HDAC1: variants seen among roughly 807,000 people sequenced by gnomAD.
The protein encoded by HDAC1 is protein deacetylase HDAC1.
In HDAC1, 18 loss-of-function variants were observed where a neutral mutation model predicts 65.5. That is an observed-to-expected ratio of 0.27 (90% CI 0.19 to 0.41). The LOEUF (loss-of-function observed/expected upper bound fraction) is 0.41, where lower values mean the gene tolerates loss of function less well. Ranked by LOEUF, HDAC1 falls within the 10% of genes least tolerant of loss-of-function variation. HDAC1 has a pLI of 1.00. For synonymous variants in HDAC1, 211 were observed against 227.9 expected, an observed-to-expected ratio of 0.93 and a Z score of 0.67; for missense variants, 373 against 625.2, an observed-to-expected ratio of 0.60 and a Z score of 4.30.
At position 32,327,929 on chromosome 1, in the gene HDAC1, T is replaced by C. The variant is rs930609176; in HGVS notation, c.636+252T>C. On this transcript the variant is annotated intron_variant, in intron 6 of 13. Transcript: ENST00000373548. The surrounding 1 kb of genome is among the most constrained non-coding windows in gnomAD (Gnocchi z 6.0). ...ACTTTCCTCCTGGCCACAGCTGGGT[T>C]GCATCACACTATTCTTATGTCTCAT... Among the ~76,000 whole-genome samples the C allele has an allele frequency of 1.3e-5, 2 of 152,174 alleles. No homozygotes were observed. Among genetic ancestry groups the C allele is most frequent in the African/African-American group, 4.8e-5 (2 of 41,442 alleles).
intron 2 of HDAC1, among the ~76,000 whole-genome samples, chr1:32,313,533 T>G (rs1364151102): frequency 6.6e-6 from 1 of 152,196 alleles, no homozygotes; most frequent in Admixed American, 6.6e-5. Context: ...AGATAGCGTT[T>G]AAAGTGCCTG....
intron 4 of HDAC1, among the ~76,000 whole-genome samples, chr1:32,325,326 C>T (rs538720319): frequency 1.3e-5 from 2 of 152,254 alleles, no homozygotes; most frequent in East Asian, 3.9e-4. Flanking sequence ...ATTTATTTTC[C>T]TGTGATCCCC....
chr1:32,320,658 G>A (rs1371028438), intron 3 of HDAC1, among the ~76,000 whole-genome samples: 1 of 152,062 alleles, frequency 6.6e-6, no homozygotes, highest in African/African-American at 2.4e-5. Flanking sequence ...CCAGCACTTT[G>A]GGAGGCTGAG....
In HDAC1 at chr1:32,324,663, G is replaced by A. The variant is rs192991320; in HGVS notation, c.355+110G>A. On this transcript the variant is annotated intron_variant, in intron 4 of 13. Coordinates refer to ENST00000373548, the MANE Select transcript of HDAC1 (RefSeq NM_004964.3). ...ATCTGAAACCATGTAGAATGGTCCT[G>A]TGGTTTTTACTGAAGTCTCTAAAAT... 100 of 784,160 alleles carry A rather than the reference G, an allele frequency of 1.3e-4. No individual in the cohort carries two copies. The African/African-American group carries it at 1.6e-3, about 12-fold the overall frequency. The allele number at this position is 784,160 out of a possible 1,614,324, so 48.6% of individuals were successfully genotyped here.
At chr1:32,300,084 A>C (rs1246863767) in intron 1 of HDAC1, among the ~76,000 whole-genome samples, 1 of 152,002 alleles carries the variant, frequency 6.6e-6, no homozygotes, top group Non-Finnish European at 1.5e-5. Flanking sequence ...GGAAAATCCA[A>C]TGTAGCTTTT....
At chr1:32,296,114 C>T (rs760081707) in intron 1 of HDAC1, among the ~76,000 whole-genome samples, 2 of 152,228 alleles carry the variant, frequency 1.3e-5, no homozygotes, top group African/African-American at 2.4e-5. Context: ...GGAAAGGGGC[C>T]GTGCCTTGTC....
rs376335337 is a variant in HDAC1 at position 32,327,611 on chromosome 1, G to T, written c.570G>T (p.Thr190=). 1 of 1,613,586 alleles carries T rather than the reference G, an allele frequency of 6.2e-7. No individual in the cohort carries two copies. Among genetic ancestry groups the T allele is most frequent in the Admixed American group, 1.7e-5 (1 of 60,016 alleles). The change falls in exon 6 of 14, where the codon ACG becomes ACT. Residue 190 remains threonine, a synonymous_variant. Transcript: ENST00000373548. This position sits in a 1 kb window ranked among gnomAD's most constrained non-coding sequence, Gnocchi z 6.0. The stretch of plus-strand genomic sequence containing the variant: ...GCGTGGAAGAGGCCTTCTACACCAC[G>T]GACCGGGTCATGACTGTGTCCTTTC... ...GDGVEEAFYT[T]DRVMTVSFHK... is the part of the protein sequence containing the mutation.
At chr1:32,332,021 C>A in intron 11 of HDAC1, 69 bp from the exon 12 acceptor site, 3 of 1,474,930 alleles carry the variant, frequency 2.0e-6, no homozygotes, top group Non-Finnish European at 2.7e-6. Flanking sequence ...CAGGGAAGCA[C>A]TGGGCATAGA....
intron 1 of HDAC1, among the ~76,000 whole-genome samples, chr1:32,297,346 A>G (rs945359933): frequency 4.6e-5 from 7 of 152,210 alleles, no homozygotes; most frequent in Non-Finnish European, 1.0e-4. Context: ...GTTCAAGACC[A>G]GCCTGGGCAA....
At position 32,331,582 on chromosome 1, in the gene HDAC1, A is replaced by G. The variant is rs200638242; in HGVS notation, c.1088A>G (p.Lys363Arg). Residue 363 changes from lysine (K) to arginine (R), a missense_variant and splice_region_variant, in exon 10 of 14, where the codon AAA (lysine) becomes AGA (arginine). Coordinates refer to ENST00000373548, the MANE Select transcript of HDAC1 (RefSeq NM_004964.3). The surrounding 1 kb of genome is among the most constrained non-coding windows in gnomAD (Gnocchi z 4.2). ...ACGAATGAGTACCTGGAGAAGATCA[A>G]GTGAGTATATCCTCCAGCCACCCCT... The part of the protein sequence containing the change: ...QNTNEYLEKI[K>R]QRLFENLRML... 323 of 1,608,100 alleles carry G rather than the reference A, an allele frequency of 2.0e-4. No individual in the cohort carries two copies. The highest frequency in any genetic ancestry group is 6.5e-5 in the Non-Finnish European group (76 of 1,174,652).
intron 2 of HDAC1, among the ~76,000 whole-genome samples, chr1:32,303,775 C>T (rs113975725): frequency 0.045 from 6,869 of 152,180 alleles, 509 homozygotes; most frequent in African/African-American, 0.16. Context: ...GGTGGGAGGA[C>T]CACTTGAGCC....
At chr1:32,323,962 G>A in intron 3 of HDAC1, among the ~76,000 whole-genome samples, 1 of 152,124 alleles carries the variant, frequency 6.6e-6, no homozygotes, top group East Asian at 1.9e-4. Flanking sequence ...TTAATTTTCT[G>A]ACCAGTGGGT....
chr1:32,294,373 T>C (rs1051626371), intron 1 of HDAC1, among the ~76,000 whole-genome samples: 3 of 152,070 alleles, frequency 2.0e-5, no homozygotes, highest in African/African-American at 7.2e-5. Flanking sequence ...GGTCTCAAAC[T>C]GACCTCCAGT....
rs1168090328 is a variant in HDAC1 at position 32,331,323 on chromosome 1, G to A, written c.980-151G>A. The stretch of plus-strand genomic sequence containing the variant: ...TGTTAAAAAGATGGAAATCCCATAG[G>A]TACCCGTGTCTCACAGTGTCTTGGA... On this transcript the variant is annotated intron_variant, in intron 9 of 13. Transcript: ENST00000373548. The surrounding 1 kb of genome is among the most constrained non-coding windows in gnomAD (Gnocchi z 4.2). 3.2e-6 allele frequency: 2 copies of A among 629,234 alleles called. No individual in the cohort carries two copies. The highest frequency in any genetic ancestry group is 1.8e-5 in the African/African-American group (1 of 54,182). The allele number at this position is 629,234 out of a possible 1,614,324, so 39.0% of individuals were successfully genotyped here.
At chr1:32,314,775 G>A (rs1439357670) in intron 2 of HDAC1, among the ~76,000 whole-genome samples, 1 of 148,012 alleles carries the variant, frequency 6.8e-6, no homozygotes, top group Non-Finnish European at 1.5e-5. Flanking sequence ...GCAGTGAGCC[G>A]AGATCGCGCC....
chr1:32,298,079 G>A lies in HDAC1; in HGVS notation c.50-4542G>A, dbSNP rs575308585. 8.8e-5 allele frequency among the ~76,000 whole-genome samples: 12 copies of A among 136,364 alleles called. No homozygotes were observed. In the East Asian group the frequency reaches 1.6e-3, roughly 18 times the overall value. The allele number at this position is 136,364 out of a possible 152,430, so 89.5% of individuals were successfully genotyped here. The stretch of plus-strand genomic sequence containing the variant: ...GGTGGGATTACAGGCGTGAGCCAGC[G>A]CGCCCGGCCTTTTTTTTTTTTTTTT... On this transcript the variant is annotated intron_variant, in intron 1 of 13. Coordinates refer to ENST00000373548, the MANE Select transcript of HDAC1 (RefSeq NM_004964.3).
chr1:32,293,045 G>A (rs1433067331), intron 1 of HDAC1, among the ~76,000 whole-genome samples: 2 of 152,194 alleles, frequency 1.3e-5, no homozygotes, highest in Non-Finnish European at 2.9e-5. Flanking sequence ...ATTTGGCCGG[G>A]CGTGGTGGCT....
intron 1 of HDAC1, among the ~76,000 whole-genome samples, chr1:32,294,427 T>G (rs1229589834): frequency 6.6e-6 from 1 of 151,868 alleles, no homozygotes; most frequent in African/African-American, 2.4e-5. Context: ...ATTATAGGCA[T>G]GAGCCACACT....
In HDAC1 at chr1:32,331,767, G is replaced by C; in HGVS notation, c.1180G>C (p.Gly394Arg). ...TGAGGACGCCATCCCTGAGGAGAGTGGCGATGAGGACGAAGACGACCCTGA... is the reference window on the plus strand; with the variant it reads ...TGAGGACGCCATCCCTGAGGAGAGTCGCGATGAGGACGAAGACGACCCTGA... ...IPEDAIPEESGDEDEDDPDKR... is the reference protein window; with the variant it reads ...IPEDAIPEESRDEDEDDPDKR... Residue 394 changes from glycine (G) to arginine (R), a missense_variant, in exon 11 of 14, where the codon GGC (glycine) becomes CGC (arginine). Gly to Arg is a moderately radical substitution (Grantham distance 125, BLOSUM62 -2). Transcript: ENST00000373548. The surrounding 1 kb of genome is among the most constrained non-coding windows in gnomAD (Gnocchi z 4.2). 6.2e-7 allele frequency: 1 copy of C among 1,614,070 alleles called. No homozygotes were observed. The highest frequency in any genetic ancestry group is 2.2e-5 in the East Asian group (1 of 44,890).
Sources: allele counts gnomAD v4.1 joint callset (sites outside exome capture counted in the v4.1 genomes callset), GRCh38; gene constraint gnomAD v4.1.1; non-coding constraint Gnocchi (gnomAD v3.1); transcripts MANE v1.5; gene names NCBI Gene and HGNC (gene_info 2026-07-23, HGNC 2026-07-21).